XKR6: variants seen among roughly 807,000 people sequenced by gnomAD.
XKR6 encodes the protein XK-related protein 6.
Under a neutral mutation model 56.7 loss-of-function variants are expected in XKR6, and 22 were observed. That is an observed-to-expected ratio of 0.39 (90% CI 0.28 to 0.55). The LOEUF (loss-of-function observed/expected upper bound fraction) is 0.55, where lower values mean the gene tolerates loss of function less well. XKR6 is among the 20% of genes least tolerant of loss of function. The pLI is 0.66. For synonymous variants in XKR6, 524 were observed against 387.8 expected (o/e 1.35, Z -4.13); for missense variants, 852 against 889.0 (o/e 0.96, Z 0.53).
At chr8:10,911,199 CGTGT>C (rs745616432) in intron 2 of XKR6, among the ~76,000 whole-genome samples, 3,981 of 126,244 alleles carry the variant, frequency 0.032, 69 homozygotes, top group Middle Eastern at 0.061. Flanking sequence ...AGAGGGTGTG[CGTGT>C]GTGTGTGTGT....
rs753646771 is a variant in XKR6, at chr8:10,898,407, T to A, written c.1471A>T (p.Met491Leu). 6.2e-7 allele frequency: 1 copy of A among 1,614,028 alleles called. No homozygotes were observed. Among genetic ancestry groups the A allele is most frequent in the East Asian group, 2.2e-5 (1 of 44,878 alleles). Residue 491 changes from methionine to leucine, a missense_variant, in exon 3 of 3, where the codon ATG (methionine) becomes TTG (leucine). By Grantham distance (15) the Met-to-Leu change is conservative. Around this residue, in one of 4 missense-constraint regions of XKR6, gnomAD observed 197 missense variants for 190.9 expected, o/e 1.03. Transcript: ENST00000416569. The surrounding 1 kb of genome is among the most constrained non-coding windows in gnomAD (Gnocchi z 6.6). ...FISFVAGIAM[M>L]LLYYGVLHPT... ...TGCAGCACGCCATAGTATAAGAGCA[T>A]CATTGCGATCCCAGCCACAAAGCTA...
chr8:11,111,811 C>G (rs1458307190), intron 1 of XKR6: 6 of 151,880 alleles, frequency 4.0e-5, no homozygotes, highest in African/African-American at 1.5e-4. Flanking sequence ...AACATAATTT[C>G]CAGAGTTCCT....
intron 1 of XKR6, among the ~76,000 whole-genome samples, chr8:11,084,495 GA>G (rs961591920): frequency 8.0e-5 from 12 of 150,144 alleles, no homozygotes; most frequent in East Asian, 3.9e-4. Context: ...ATTTTGGAAG[GA>G]AAAAAAAAGA....
chr8:11,170,579 G>T (rs569759787), intron 1 of XKR6, among the ~76,000 whole-genome samples: 3 of 152,258 alleles, frequency 2.0e-5, no homozygotes, highest in South Asian at 4.1e-4. Context: ...TGGATGCAGG[G>T]TTTCTTTTTT....
intron 1 of XKR6, among the ~76,000 whole-genome samples, chr8:11,033,981 C>G (rs1468393506): frequency 1.3e-5 from 2 of 152,210 alleles, no homozygotes; most frequent in African/African-American, 4.8e-5. Context: ...ATAACCACAT[C>G]CTCAAATTTC....
intron 1 of XKR6, among the ~76,000 whole-genome samples, chr8:11,001,213 C>T (rs958555170): frequency 2.0e-5 from 3 of 152,182 alleles, no homozygotes; most frequent in East Asian, 3.8e-4. Flanking sequence ...GAAGAACTCC[C>T]CTTCCGATGG....
At position 11,009,200 on chromosome 8, in the gene XKR6, C is replaced by A. The variant is rs145513927; in HGVS notation, c.765-84370G>T. On this transcript the variant is annotated intron_variant, in intron 1 of 2. Coordinates refer to ENST00000416569, the MANE Select transcript of XKR6 (RefSeq NM_173683.4). ...GTGTGTAAGTGGTGCATGTCTCTTTCGCCCTCTCATTGAAAAGGTATAGGG... is the reference window on the plus strand; with the variant it reads ...GTGTGTAAGTGGTGCATGTCTCTTTAGCCCTCTCATTGAAAAGGTATAGGG... Among the ~76,000 whole-genome samples the A allele has an allele frequency of 2.2e-3, 328 of 152,216 alleles. 1 individual carries two copies. Among genetic ancestry groups the A allele is most frequent in the Middle Eastern group, 6.8e-3 (2 of 294 alleles).
rs567939912 is a variant in XKR6 at position 10,912,823 on chromosome 8, CATAT to C, written c.961+11807_961+11810del. ...ATAGAGAGAGAGGCGAGTATATATACATATATATATATAGAGAGAGAAAGAGATA... is the reference window on the plus strand; with the variant it reads ...ATAGAGAGAGAGGCGAGTATATATACATATATATAGAGAGAGAAAGAGATA... On this transcript the variant is annotated intron_variant, in intron 2 of 2. Coordinates refer to ENST00000416569, the MANE Select transcript of XKR6 (RefSeq NM_173683.4). Among the ~76,000 whole-genome samples, 197 of 129,986 alleles carry C rather than the reference CATAT, an allele frequency of 1.5e-3. 3 individuals are homozygous for C. Among genetic ancestry groups the C allele is most frequent in the Admixed American group, 7.4e-3 (96 of 12,938 alleles). 85.3% of individuals were successfully genotyped at this position (129,986 alleles called of 152,430 possible).
At chr8:11,024,157 A>G (rs1478979798) in intron 1 of XKR6, among the ~76,000 whole-genome samples, 2 of 151,600 alleles carry the variant, frequency 1.3e-5, no homozygotes, top group African/African-American at 2.4e-5. Context: ...TAAATGAGAT[A>G]TTAATGAATT....
chr8:11,012,741 C>T (rs1157905300), intron 1 of XKR6, among the ~76,000 whole-genome samples: 1 of 151,944 alleles, frequency 6.6e-6, no homozygotes, highest in South Asian at 2.1e-4. Context: ...ATCCTGGCCC[C>T]GATGTAACAC....
chr8:10,976,385 G>A (rs968823492), intron 1 of XKR6, among the ~76,000 whole-genome samples: 7 of 152,122 alleles, frequency 4.6e-5, no homozygotes, highest in Non-Finnish European at 5.9e-5. Flanking sequence ...AGCTGCCACC[G>A]GGAAGACCAG....
chr8:10,993,903 G>A (rs1798050610), intron 1 of XKR6, among the ~76,000 whole-genome samples: 1 of 152,150 alleles, frequency 6.6e-6, no homozygotes, highest in South Asian at 2.1e-4. Context: ...TGGCAATCAG[G>A]GTAGGGCCTG....
At chr8:11,189,713 G>T (rs1803450633) in intron 1 of XKR6, among the ~76,000 whole-genome samples, 1 of 152,172 alleles carries the variant, frequency 6.6e-6, no homozygotes, top group Non-Finnish European at 1.5e-5. Context: ...ATCCCTGTCT[G>T]TGTACTGCTT....
chr8:10,990,486 G>A (rs955464392), intron 1 of XKR6, among the ~76,000 whole-genome samples: 29 of 152,218 alleles, frequency 1.9e-4, no homozygotes, highest in African/African-American at 2.4e-5. Context: ...CCATGGTGCT[G>A]AAAAGCCTGT....
At chr8:11,085,341 C>T (rs1424983849) in intron 1 of XKR6, among the ~76,000 whole-genome samples, 2 of 152,192 alleles carry the variant, frequency 1.3e-5, no homozygotes, top group African/African-American at 4.8e-5. Context: ...TTGCCACATG[C>T]CATGGGGTGC....
chr8:11,131,761 G>A (rs189406126), intron 1 of XKR6, among the ~76,000 whole-genome samples: 2 of 152,214 alleles, frequency 1.3e-5, no homozygotes, highest in African/African-American at 2.4e-5. Flanking sequence ...TGTTTAGATA[G>A]GTTAGATACA....
intron 1 of XKR6, among the ~76,000 whole-genome samples, chr8:10,932,160 T>C (rs1801070575): frequency 1.3e-5 from 2 of 152,178 alleles, no homozygotes; most frequent in Non-Finnish European, 2.9e-5. Context: ...CACAATGAGA[T>C]AGTACTTCAT....
intron 1 of XKR6, among the ~76,000 whole-genome samples, chr8:10,962,440 T>C (rs1021651343): frequency 6.6e-6 from 1 of 152,128 alleles, no homozygotes; most frequent in African/African-American, 2.4e-5. Context: ...CTTGACTTCC[T>C]TCTTCCCGGG....
chr8:10,984,732 CTATATATATATA>C lies in XKR6; in HGVS notation c.765-59914_765-59903del, dbSNP rs58774414. ...TCTCTCTCTCTCTCTCTCTCTCTCTCTATATATATATATATATATATATATTTGAAGAAATGT... is the reference window on the plus strand; with the variant it reads ...TCTCTCTCTCTCTCTCTCTCTCTCTCTATATATATATATTTGAAGAAATGT... On this transcript the variant is annotated intron_variant, in intron 1 of 2. Transcript: ENST00000416569. Among the ~76,000 whole-genome samples, 4 of 47,490 alleles carry C rather than the reference CTATATATATATA, an allele frequency of 8.4e-5. No individual in the cohort carries two copies. The South Asian group carries it at 3.5e-3, about 42-fold the overall frequency. 31.2% of individuals were successfully genotyped at this position (47,490 alleles called of 152,430 possible).
Sources: allele counts gnomAD v4.1 joint callset (sites outside exome capture counted in the v4.1 genomes callset), GRCh38; gene constraint gnomAD v4.1.1; regional missense constraint gnomAD v4.1.1; non-coding constraint Gnocchi (gnomAD v3.1); transcripts MANE v1.5; gene names NCBI Gene and HGNC (gene_info 2026-07-23, HGNC 2026-07-21).